SLC3A1: variants seen among roughly 807,000 people sequenced by gnomAD.
SLC3A1 encodes the protein solute carrier family 3 member 1.
In SLC3A1, 78 loss-of-function variants were observed where a neutral mutation model predicts 60.3. The ratio of observed to expected loss-of-function variants is 1.29; its 90% CI spans 1.08 to 1.56. The LOEUF (loss-of-function observed/expected upper bound fraction) is 1.56. SLC3A1 is among the 40% of genes most tolerant of loss of function. The pLI is 0.00. For synonymous variants in SLC3A1, 392 were observed against 307.9 expected, an observed-to-expected ratio of 1.27 and a Z score of -2.86; for missense variants, 1,172 against 858.9, an observed-to-expected ratio of 1.36 and a Z score of -4.56.
At chr2:44,319,421 AAC>A (rs1170741131) in intron 9 of SLC3A1, 3 of 152,570 alleles carry the variant, frequency 2.0e-5, no homozygotes, top group African/African-American at 7.2e-5. Context: ...AAATATTAGA[AAC>A]ACTATCGTCA....
At position 44,320,202 on chromosome 2, in the gene SLC3A1, C is replaced by CA; in HGVS notation, c.1625dup (p.Thr543AspfsTer20). 1 of 1,612,384 alleles carries CA rather than the reference C, an allele frequency of 6.2e-7. No homozygotes were observed. The highest frequency in any genetic ancestry group is 8.5e-7 in the Non-Finnish European group (1 of 1,178,826). ...AAATACTTTTTTAAAAAAATAGGTC[C>CA]AAAAGACTCAGCCCAGATCGGCTTT... On this transcript the variant is annotated frameshift_variant, in exon 10 of 10. Coordinates refer to ENST00000260649, the MANE Select transcript of SLC3A1 (RefSeq NM_000341.4). LOFTEE classifies it low-confidence loss of function (END_TRUNC).
At chr2:44,314,000 GT>G (rs753215902) in intron 9 of SLC3A1, 49 bp downstream of exon 9, 1 of 1,612,002 alleles carries the variant, frequency 6.2e-7, no homozygotes, top group South Asian at 1.1e-5. Flanking sequence ...AAAGAAATGG[GT>G]TTCTACTGAA....
At chr2:44,276,093 G>C (rs1671337132) in intron 1 of SLC3A1, 128 bp downstream of exon 1, 2 of 810,592 alleles carry the variant, frequency 2.5e-6, no homozygotes, top group African/African-American at 1.7e-5. Context: ...GTCATGCCAA[G>C]TTGCTCCTTG....
chr2:44,293,565 T>A (rs2104352781), intron 4 of SLC3A1, among the ~76,000 whole-genome samples: 1 of 152,034 alleles, frequency 6.6e-6, no homozygotes, highest in Non-Finnish European at 1.5e-5. Context: ...GGGAAAAGTC[T>A]AGTCTAGAGA....
intron 4 of SLC3A1, among the ~76,000 whole-genome samples, chr2:44,299,058 G>C (rs1054249942): frequency 3.7e-5 from 4 of 108,276 alleles, no homozygotes; most frequent in Admixed American, 1.0e-4. Flanking sequence ...TTTTTTAAAA[G>C]ACAGAGTTTT....
Position 44,283,755 on chromosome 2 carries a change from C to A in SLC3A1, c.765+2214C>A, listed in dbSNP as rs575327673. ...TGTATATGTATATGATGGATAAACA[C>A]CTTGTAGTATATCATATATATAACC... is the stretch of plus-strand genomic sequence containing the variant. On this transcript the variant is annotated intron_variant, in intron 3 of 9. Coordinates refer to ENST00000260649, the MANE Select transcript of SLC3A1 (RefSeq NM_000341.4). Among the ~76,000 whole-genome samples the A allele has an allele frequency of 7.9e-5, 12 of 152,098 alleles. No homozygotes were observed. The South Asian group carries it at 2.5e-3, about 32-fold the overall frequency.
intron 6 of SLC3A1, among the ~76,000 whole-genome samples, chr2:44,302,298 G>A (rs1386938146): frequency 6.6e-6 from 1 of 151,742 alleles, no homozygotes; most frequent in Non-Finnish European, 1.5e-5. Context: ...ACCTCTATAA[G>A]GCTGTTGTGA....
chr2:44,290,748 T>C (rs1671724423), intron 4 of SLC3A1, among the ~76,000 whole-genome samples: 1 of 151,760 alleles, frequency 6.6e-6, no homozygotes, highest in Admixed American at 6.6e-5. Context: ...TTGGAATTGG[T>C]TCTGGAAGTA....
chr2:44,318,475 A>G (rs1161513831), intron 9 of SLC3A1: 2 of 167,958 alleles, frequency 1.2e-5, no homozygotes, highest in African/African-American at 4.8e-5. Context: ...CTATGGGCCC[A>G]GTATGCAGCT....
intron 7 of SLC3A1, among the ~76,000 whole-genome samples, chr2:44,305,839 C>G (rs944167653): frequency 6.6e-6 from 1 of 152,154 alleles, no homozygotes; most frequent in African/African-American, 2.4e-5. Flanking sequence ...GTGGTCTCAT[C>G]GTTTAGGTCT....
Position 44,295,689 on chromosome 2 carries a change from T to C in SLC3A1, c.892-4282T>C, listed in dbSNP as rs77874005. 3.7e-3 allele frequency among the ~76,000 whole-genome samples: 558 copies of C among 152,332 alleles called. 3 individuals carry two copies. The highest frequency in any genetic ancestry group is 0.013 in the African/African-American group (539 of 41,560). ...TGCGGTACAAGTTTCTCATGTTTAATGTCAGGTCAACATTTCACAATGCTG... is the reference window on the plus strand; with the variant it reads ...TGCGGTACAAGTTTCTCATGTTTAACGTCAGGTCAACATTTCACAATGCTG... On this transcript the variant is annotated intron_variant, in intron 4 of 9. Coordinates refer to ENST00000260649, the MANE Select transcript of SLC3A1 (RefSeq NM_000341.4).
Position 44,312,766 on chromosome 2 carries a change from C to T in SLC3A1, c.1500+13C>T, listed in dbSNP as rs1179765275. Reference sequence around the variant, plus strand: ...AAGCTATGATATTGTAAGTTGAATACAACTTGACTATTCATCACAGCTATA... The same window carrying T: ...AAGCTATGATATTGTAAGTTGAATATAACTTGACTATTCATCACAGCTATA... On this transcript the variant is annotated intron_variant, in intron 8 of 9. Transcript: ENST00000260649. 4.4e-6 allele frequency: 7 copies of T among 1,597,542 alleles called. No individual in the cohort carries two copies. Among genetic ancestry groups the T allele is most frequent in the Non-Finnish European group, 2.6e-6 (3 of 1,174,266 alleles).
At chr2:44,293,914 T>C (rs1428290268) in intron 4 of SLC3A1, among the ~76,000 whole-genome samples, 1 of 151,468 alleles carries the variant, frequency 6.6e-6, no homozygotes. Context: ...ATGGGGTTAC[T>C]TGAAGATTAA....
intron 7 of SLC3A1, among the ~76,000 whole-genome samples, chr2:44,307,351 C>G (rs1411281602): frequency 6.6e-6 from 1 of 152,140 alleles, no homozygotes; most frequent in African/African-American, 2.4e-5. Context: ...TGATATATAT[C>G]CAGGAGTGGA....
rs368983129 is a variant in SLC3A1, at chr2:44,295,961, G to T, written c.892-4010G>T. Reference sequence around the variant, plus strand: ...AGTAAATTAGGGCCTTCTTAAAATAGAGCACAAAATTAAGTACAGAAAAGT... The same window carrying T: ...AGTAAATTAGGGCCTTCTTAAAATATAGCACAAAATTAAGTACAGAAAAGT... On this transcript the variant is annotated intron_variant, in intron 4 of 9. Transcript: ENST00000260649. 6.6e-5 allele frequency among the ~76,000 whole-genome samples: 10 copies of T among 152,296 alleles called. No homozygotes were observed. The East Asian group carries it at 1.7e-3, about 26-fold the overall frequency.
chr2:44,281,232 C>T (rs1227188021), intron 2 of SLC3A1, among the ~76,000 whole-genome samples, 155 bp from the exon 3 acceptor site: 1 of 140,870 alleles, frequency 7.1e-6, no homozygotes, highest in Non-Finnish European at 1.5e-5. Context: ...AATCATGGCT[C>T]ACTTCAGCCT....
intron 7 of SLC3A1, among the ~76,000 whole-genome samples, chr2:44,309,458 T>A (rs1235555359): frequency 6.6e-6 from 1 of 152,176 alleles, no homozygotes; most frequent in Non-Finnish European, 1.5e-5. Context: ...TATTCATCTG[T>A]TGGTGACGTT....
In SLC3A1 at chr2:44,299,931, G is replaced by A. The variant is rs774080018; in HGVS notation, c.892-40G>A. The A allele has an allele frequency of 1.1e-5, 18 of 1,609,050 alleles. 1 individual carries two copies. Among genetic ancestry groups the A allele is most frequent in the Middle Eastern group, 1.7e-4 (1 of 6,058 alleles). On this transcript the variant is annotated intron_variant, in intron 4 of 9. Transcript: ENST00000260649. ...TTTGATTAAACGTTGTGATAATAACGTAGTTAATGTAACCAAGCATTTTGC... is the reference window on the plus strand; with the variant it reads ...TTTGATTAAACGTTGTGATAATAACATAGTTAATGTAACCAAGCATTTTGC...
intron 6 of SLC3A1, chr2:44,303,740 CCACT>C (rs775884149): frequency 7.7e-4 from 261 of 339,018 alleles, no homozygotes; most frequent in Non-Finnish European, 1.2e-3. Flanking sequence ...AGCCCCCCAC[CCACT>C]GACAGGCCCC....
Sources: gnomAD v4.1 joint callset for allele counts (sites outside exome capture counted in the v4.1 genomes callset) on GRCh38, gnomAD v4.1.1 for gene constraint, MANE v1.5 for transcripts, NCBI Gene and HGNC (gene_info 2026-07-23, HGNC 2026-07-21) for gene names.